DOCK7: variants seen among roughly 807,000 people sequenced by gnomAD.
DOCK7 encodes the protein dedicator of cytokinesis protein 7.
A neutral mutation model predicts 271.0 loss-of-function variants in DOCK7; 138 were observed. The observed-to-expected ratio is 0.51, with a 90% CI of 0.44 to 0.59. DOCK7 has a LOEUF of 0.59. DOCK7 is among the 20% of genes least tolerant of loss of function. DOCK7 has a pLI of 0.00. For synonymous variants in DOCK7, 823 were observed against 876.1 expected (o/e 0.94, Z 1.07); for missense variants, 2,066 against 2,592.4 (o/e 0.80, Z 4.41).
chr1:62,481,900 C>T (rs1302622392), intron 43 of DOCK7: 1 of 152,174 alleles, frequency 6.6e-6, no homozygotes, highest in Non-Finnish European at 1.5e-5. Context: ...AGTTGTTTTC[C>T]ACAATGCTTC....
At position 62,627,118 on chromosome 1, in the gene DOCK7, A is replaced by G. The variant is rs553684451; in HGVS notation, c.1283-1717T>C. 1.1e-4 allele frequency among the ~76,000 whole-genome samples: 17 copies of G among 152,306 alleles called. 1 individual carries two copies. Among genetic ancestry groups the G allele is most frequent in the African/African-American group, 4.1e-4 (17 of 41,578 alleles). On this transcript the variant is annotated intron_variant, in intron 11 of 49. Coordinates refer to ENST00000635253, the MANE Select transcript of DOCK7 (RefSeq NM_001367561.1). Reference sequence around the variant, plus strand: ...ACCACATCATTCGATGCAACACCACATTAAAAGGATACAGGACAAATAATT... The same window carrying G: ...ACCACATCATTCGATGCAACACCACGTTAAAAGGATACAGGACAAATAATT...
intron 28 of DOCK7, among the ~76,000 whole-genome samples, chr1:62,536,545 A>T (rs1189842103): frequency 6.6e-6 from 1 of 152,230 alleles, no homozygotes. Context: ...AGGGCATGCT[A>T]GCCAGACTGA....
At chr1:62,575,615 G>A (rs962875654) in intron 18 of DOCK7, among the ~76,000 whole-genome samples, 4 of 152,266 alleles carry the variant, frequency 2.6e-5, no homozygotes, top group African/African-American at 4.8e-5. Context: ...AAAGTTATAC[G>A]TGGATTTTTC....
At chr1:62,651,249 A>T (rs1657318128) in intron 4 of DOCK7, among the ~76,000 whole-genome samples, 3 of 142,744 alleles carry the variant, frequency 2.1e-5, no homozygotes, top group African/African-American at 7.8e-5. Flanking sequence ...GAACAATGAG[A>T]ACATGTGGAG....
intron 31 of DOCK7, among the ~76,000 whole-genome samples, chr1:62,520,467 C>T (rs1429423042): frequency 7.0e-5 from 4 of 56,880 alleles, no homozygotes; most frequent in South Asian, 2.1e-3. Context: ...CAAAAGAAGA[C>T]ATTTATGAGG....
chr1:62,598,149 C>T (rs1649565532), intron 14 of DOCK7: 10 of 1,219,142 alleles, frequency 8.2e-6, no homozygotes, highest in Non-Finnish European at 1.1e-5. Context: ...ATTTGAAATA[C>T]TTTGTTGCAT....
rs549329370 is a variant in DOCK7, at chr1:62,631,466, T to A, written c.1117-61A>T. On this transcript the variant is annotated intron_variant, in intron 10 of 49. Coordinates refer to ENST00000635253, the MANE Select transcript of DOCK7 (RefSeq NM_001367561.1). ...CTTGAAAGAAATCAGTTAAAGGCTA[T>A]TTCATACTACATAAAGGAAAAGGAT... 166 of 1,380,350 alleles carry A rather than the reference T, an allele frequency of 1.2e-4. 2 individuals carry two copies. In the East Asian group the frequency reaches 4.0e-3, roughly 33 times the overall value. The allele number at this position is 1,380,350 out of a possible 1,614,324, so 85.5% of individuals were successfully genotyped here. A position where few individuals can be genotyped will look rare whatever the true frequency, so the allele number is the denominator to read the frequency against.
chr1:62,455,577 C>G, intron 49 of DOCK7, 121 bp from the exon 50 acceptor site: 1 of 893,760 alleles, frequency 1.1e-6, no homozygotes, highest in South Asian at 1.5e-5. Flanking sequence ...TTCTTACTAA[C>G]TTCCAAGTTG....
At chr1:62,580,538 T>G (rs566753166) in intron 16 of DOCK7, among the ~76,000 whole-genome samples, 14 of 152,222 alleles carry the variant, frequency 9.2e-5, no homozygotes, top group Non-Finnish European at 1.2e-4. Flanking sequence ...AGTTCACTTC[T>G]GTCCTAAAAA....
In DOCK7 at chr1:62,590,620, G is replaced by A. The variant is rs572470450; in HGVS notation, c.1683-3996C>T. ...AATAATGTAGTATGATAAATGCTGT[G>A]AACACAGAATCACACTGCAGCCAGA... On this transcript the variant is annotated intron_variant, in intron 14 of 49. Coordinates refer to ENST00000635253, the MANE Select transcript of DOCK7 (RefSeq NM_001367561.1). 3.3e-4 allele frequency among the ~76,000 whole-genome samples: 50 copies of A among 152,204 alleles called. 1 individual carries two copies. The highest frequency in any genetic ancestry group is 1.1e-3 in the African/African-American group (44 of 41,530).
chr1:62,471,483 G>C (rs1375399490), intron 48 of DOCK7, among the ~76,000 whole-genome samples: 1 of 152,134 alleles, frequency 6.6e-6, no homozygotes, highest in East Asian at 1.9e-4. Flanking sequence ...GCAACATAGC[G>C]AGACTTCATC....
chr1:62,502,316 C>T (rs1168031), intron 37 of DOCK7, among the ~76,000 whole-genome samples: 87,909 of 151,940 alleles, frequency 0.58, 27,014 homozygotes, highest in East Asian at 0.76. Flanking sequence ...CAACCTCTTG[C>T]CATATGACTG....
chr1:62,552,879 T>G lies in DOCK7; in HGVS notation c.2619A>C (p.Ser873=). The change falls in exon 22 of 50, where the codon TCA becomes TCC. Residue 873 remains serine (S), a synonymous_variant. Coordinates refer to ENST00000635253, the MANE Select transcript of DOCK7 (RefSeq NM_001367561.1). ...SSPGPGGLGG[S]VHYATMARSA... is the part of the protein sequence containing the mutation. ...ATCTAGCCATTGTGGCATAATGCACTGATCCTCCCAAACCCCCAGGACCTA... is the reference window on the plus strand; with the variant it reads ...ATCTAGCCATTGTGGCATAATGCACGGATCCTCCCAAACCCCCAGGACCTA... The G allele has an allele frequency of 1.2e-6, 2 of 1,611,336 alleles. No individual in the cohort carries two copies. The highest frequency in any genetic ancestry group is 2.2e-5 in the South Asian group (2 of 90,510).
At chr1:62,499,133 C>A (rs1320088140) in intron 37 of DOCK7, among the ~76,000 whole-genome samples, 2 of 152,162 alleles carry the variant, frequency 1.3e-5, no homozygotes, top group African/African-American at 4.8e-5. Context: ...CTGCCTGATA[C>A]TAATACTATA....
intron 29 of DOCK7, among the ~76,000 whole-genome samples, chr1:62,535,222 T>C (rs113863055): frequency 6.6e-6 from 1 of 152,176 alleles, no homozygotes; most frequent in Non-Finnish European, 1.5e-5. Context: ...TATATATTAT[T>C]AAGAAGAAAA....
chr1:62,479,522 G>T (rs900368963), intron 43 of DOCK7, among the ~76,000 whole-genome samples: 1 of 151,566 alleles, frequency 6.6e-6, no homozygotes, highest in African/African-American at 2.4e-5. Context: ...TAAGCCAAAA[G>T]AACAACATAA....
At chr1:62,577,514 C>T (rs890201025) in intron 17 of DOCK7, 151 bp from the exon 18 acceptor site, 14 of 401,678 alleles carry the variant, frequency 3.5e-5, no homozygotes, top group Admixed American at 2.1e-4. Context: ...TAATAATAGG[C>T]CTTCATAATC....
intron 1 of DOCK7, among the ~76,000 whole-genome samples, chr1:62,679,597 G>A (rs1660884637): frequency 6.6e-6 from 1 of 152,170 alleles, no homozygotes; most frequent in Non-Finnish European, 1.5e-5. Flanking sequence ...ACAATGAGAT[G>A]GCATTGTGCA....
chr1:62,486,122 T>C (rs970914781), intron 43 of DOCK7: 25 of 152,142 alleles, frequency 1.6e-4, no homozygotes, highest in African/African-American at 6.0e-4. Context: ...CATTCATAGA[T>C]AACCATGGCA....
Sources: allele counts gnomAD v4.1 joint callset (sites outside exome capture counted in the v4.1 genomes callset), GRCh38; gene constraint gnomAD v4.1.1; transcripts MANE v1.5; gene names NCBI Gene and HGNC (gene_info 2026-07-23, HGNC 2026-07-21).